Variants in ROR2 observed in about 807,000 individuals in gnomAD.
The protein encoded by ROR2 is tyrosine-protein kinase transmembrane receptor ROR2.
A neutral mutation model predicts 74.9 loss-of-function variants in ROR2; 33 were observed. The observed-to-expected ratio is 0.44, with a 90% CI of 0.33 to 0.59. ROR2 has a LOEUF of 0.59. Ranked by LOEUF, ROR2 falls within the 20% of genes least tolerant of loss-of-function variation. The pLI is 0.02. For missense variants in ROR2, 1,216 were observed against 1,313.8 expected (o/e 0.93, Z 1.15); for synonymous variants, 586 against 558.7 (o/e 1.05, Z -0.69).
chr9:91,726,811 C>A (rs1474599753), intron 7 of ROR2, 68 bp from the exon 8 acceptor site: 1 of 1,505,984 alleles, frequency 6.6e-7, no homozygotes, highest in Non-Finnish European at 9.2e-7. Flanking sequence ...TCTCTACCAA[C>A]CCACTCTCCA....
At chr9:91,785,697 A>G (rs987792783) in intron 1 of ROR2, among the ~76,000 whole-genome samples, 1 of 152,158 alleles carries the variant, frequency 6.6e-6, no homozygotes, top group Non-Finnish European at 1.5e-5. Flanking sequence ...TGACAGTGTC[A>G]CAGTTCAGAG....
intron 1 of ROR2, among the ~76,000 whole-genome samples, chr9:91,879,528 T>C (rs1830047721): frequency 6.6e-6 from 1 of 151,902 alleles, no homozygotes; most frequent in African/African-American, 2.4e-5. Context: ...CAGCCACCCA[T>C]GTCCCCCACT....
At chr9:91,880,634 A>G (rs1198831037) in intron 1 of ROR2, among the ~76,000 whole-genome samples, 1 of 152,258 alleles carries the variant, frequency 6.6e-6, no homozygotes, top group Non-Finnish European at 1.5e-5. Flanking sequence ...TAGGGGACAA[A>G]GTGACCCTGT....
At chr9:91,789,531 A>G (rs915777130) in intron 1 of ROR2, among the ~76,000 whole-genome samples, 1 of 152,194 alleles carries the variant, frequency 6.6e-6, no homozygotes, top group Non-Finnish European at 1.5e-5. Context: ...ATCAGATATA[A>G]AGTCTATGAC....
rs983364515 is a variant in ROR2, at chr9:91,733,748, G to C, written c.623-312C>G. ...CTCGGCCCCCTAGCTCACTCCGCTAGGTGCTTCTTCCAGGACAAGAGGGTT... is the reference window on the plus strand; with the variant it reads ...CTCGGCCCCCTAGCTCACTCCGCTACGTGCTTCTTCCAGGACAAGAGGGTT... On this transcript the variant is annotated intron_variant, in intron 5 of 8. Coordinates refer to ENST00000375708, the MANE Select transcript of ROR2 (RefSeq NM_004560.4). This position sits in a 1 kb window ranked among gnomAD's most constrained non-coding sequence, Gnocchi z 5.7. 6.6e-6 allele frequency among the ~76,000 whole-genome samples: 1 copy of C among 152,236 alleles called. No homozygotes were observed. Among genetic ancestry groups the C allele is most frequent in the Admixed American group, 6.5e-5 (1 of 15,292 alleles).
chr9:91,826,996 C>T (rs1030959976), intron 1 of ROR2, among the ~76,000 whole-genome samples: 1 of 152,036 alleles, frequency 6.6e-6, no homozygotes, highest in African/African-American at 2.4e-5. Flanking sequence ...ATATGTTTAC[C>T]AGACAAGACC....
chr9:91,801,548 G>T (rs1433692218), intron 1 of ROR2, among the ~76,000 whole-genome samples: 5 of 152,112 alleles, frequency 3.3e-5, no homozygotes. Context: ...GGCCACGATG[G>T]TCTTGATCTC....
chr9:91,792,388 A>G (rs907492374), intron 1 of ROR2, among the ~76,000 whole-genome samples: 2 of 80,340 alleles, frequency 2.5e-5, no homozygotes. Context: ...GCTCACTGCA[A>G]GCTCCCGCCT....
Position 91,930,362 on chromosome 9 carries a change from G to A in ROR2, c.97+19505C>T, listed in dbSNP as rs76051390. On this transcript the variant is annotated intron_variant, in intron 1 of 8. Coordinates refer to ENST00000375708, the MANE Select transcript of ROR2 (RefSeq NM_004560.4). Reference sequence around the variant, plus strand: ...CCCCTTCTTTCCACGCATTTACCCTGTTTGGAAAAGTTTAAGTCTCAGCCA... The same window carrying A: ...CCCCTTCTTTCCACGCATTTACCCTATTTGGAAAAGTTTAAGTCTCAGCCA... Among the ~76,000 whole-genome samples, 51 of 152,310 alleles carry A rather than the reference G, an allele frequency of 3.3e-4. No homozygotes were observed. In the East Asian group the frequency reaches 8.3e-3, roughly 25 times the overall value.
At chr9:91,776,469 C>G (rs1826423435) in intron 1 of ROR2, among the ~76,000 whole-genome samples, 1 of 152,200 alleles carries the variant, frequency 6.6e-6, no homozygotes, top group Admixed American at 6.5e-5. Flanking sequence ...TTCTCTAAGT[C>G]TCCCTGCAAA....
chr9:91,865,752 G>A (rs1324317758), intron 1 of ROR2, among the ~76,000 whole-genome samples: 3 of 152,196 alleles, frequency 2.0e-5, no homozygotes, highest in Non-Finnish European at 2.9e-5. Context: ...GTGAAAACAA[G>A]GTGGCTTATT....
At chr9:91,865,548 A>G (rs1463370828) in intron 1 of ROR2, among the ~76,000 whole-genome samples, 2 of 152,250 alleles carry the variant, frequency 1.3e-5, no homozygotes, top group Non-Finnish European at 2.9e-5. Context: ...CAGTTAGGTA[A>G]ATACCTTATT....
In ROR2 at chr9:91,855,595, ACCCAG is replaced by A. The variant is rs1829254659; in HGVS notation, c.98-79782_98-79778del. Among the ~76,000 whole-genome samples the A allele has an allele frequency of 2.6e-5, 4 of 152,050 alleles. No homozygotes were observed. In the South Asian group the frequency reaches 8.3e-4, roughly 32 times the overall value. ...TAAGCATCTTAGAGAAGGAAGGGAC[ACCCAG>A]GGGCAATCAGCCTGCCTTTGCTGGA... is the stretch of plus-strand genomic sequence containing the variant. On this transcript the variant is annotated intron_variant, in intron 1 of 8. Transcript: ENST00000375708.
chr9:91,861,587 T>C (rs1389710171), intron 1 of ROR2, among the ~76,000 whole-genome samples: 1 of 152,210 alleles, frequency 6.6e-6, no homozygotes, highest in Non-Finnish European at 1.5e-5. Context: ...CCTTCCTCAC[T>C]AAGTACACAA....
intron 1 of ROR2, among the ~76,000 whole-genome samples, chr9:91,872,414 C>T (rs1237306551): frequency 1.1e-4 from 16 of 152,204 alleles, no homozygotes. Context: ...ATTTCCAATA[C>T]ATCCAATGAC....
chr9:91,839,275 T>A (rs935029140), intron 1 of ROR2, among the ~76,000 whole-genome samples: 2 of 145,874 alleles, frequency 1.4e-5, no homozygotes, highest in African/African-American at 5.2e-5. Context: ...TGTGTGTGTG[T>A]GTGTGTGTGT....
chr9:91,816,656 C>A (rs113823844), intron 1 of ROR2, among the ~76,000 whole-genome samples: 2 of 152,086 alleles, frequency 1.3e-5, no homozygotes, highest in South Asian at 4.2e-4. Context: ...CTGGCATCCG[C>A]GATCCCCTCC....
intron 4 of ROR2, among the ~76,000 whole-genome samples, chr9:91,740,559 G>T (rs956207748): frequency 1.4e-5 from 2 of 145,854 alleles, no homozygotes; most frequent in Admixed American, 6.7e-5. Context: ...TTCGGGCGGG[G>T]GGGGGAATAT....
Position 91,852,624 on chromosome 9 carries a change from A to ACACAC in ROR2, c.98-76807_98-76806insGTGTG, listed in dbSNP as rs1829133234. 3.8e-3 allele frequency among the ~76,000 whole-genome samples: 467 copies of ACACAC among 123,876 alleles called. 4 individuals carry two copies. The highest frequency in any genetic ancestry group is 0.015 in the East Asian group (67 of 4,346). 81.3% of individuals were successfully genotyped at this position (123,876 alleles called of 152,430 possible). A position where few individuals can be genotyped will look rare whatever the true frequency, so the allele number is the denominator to read the frequency against. On this transcript the variant is annotated intron_variant, in intron 1 of 8. Coordinates refer to ENST00000375708, the MANE Select transcript of ROR2 (RefSeq NM_004560.4). ...GTTACAAATAAATGGAAAACACACA[A>ACACAC]ACACACACACACACACACACACACA... is the stretch of plus-strand genomic sequence containing the variant.
Sources: allele counts gnomAD v4.1 joint callset (sites outside exome capture counted in the v4.1 genomes callset), GRCh38; gene constraint gnomAD v4.1.1; non-coding constraint Gnocchi (gnomAD v3.1); transcripts MANE v1.5; gene names NCBI Gene and HGNC (gene_info 2026-07-23, HGNC 2026-07-21).